SLC9B1: variants seen among roughly 807,000 people sequenced by gnomAD.
The protein encoded by SLC9B1 is solute carrier family 9 member B1.
Under a neutral mutation model 51.7 loss-of-function variants are expected in SLC9B1, and 32 were observed. That is an observed-to-expected ratio of 0.62 (90% CI 0.47 to 0.83). SLC9B1 has a LOEUF of 0.83. SLC9B1 is among the 40% of genes least tolerant of loss of function. The pLI is 0.00. For synonymous variants in SLC9B1, 145 were observed against 212.7 expected (o/e 0.68, Z 2.77); for missense variants, 406 against 613.2 (o/e 0.66, Z 3.57).
intron 1 of SLC9B1, among the ~76,000 whole-genome samples, chr4:103,016,155 G>GAAAAAAAAAAAAAA (rs1286956791): frequency 2.2e-3 from 161 of 74,134 alleles, no homozygotes; most frequent in Middle Eastern, 7.2e-3. Flanking sequence ...AAAAAAAAAG[G>GAAAAAAAAAAAAAA]AAAGTATATG....
chr4:102,927,344 T>C (rs1307014730), intron 7 of SLC9B1, among the ~76,000 whole-genome samples: 2 of 151,748 alleles, frequency 1.3e-5, no homozygotes, highest in Admixed American at 6.6e-5. Flanking sequence ...AATTGCGATC[T>C]ACCCATTTGA....
At chr4:102,933,269 C>G (rs1289500939) in intron 6 of SLC9B1, among the ~76,000 whole-genome samples, 1 of 152,192 alleles carries the variant, frequency 6.6e-6, no homozygotes, top group Non-Finnish European at 1.5e-5. Flanking sequence ...CTCCAGACAG[C>G]ATCTGCCAAT....
At chr4:102,948,084 C>T (rs538986608) in intron 4 of SLC9B1, among the ~76,000 whole-genome samples, 9 of 152,142 alleles carry the variant, frequency 5.9e-5, no homozygotes, top group African/African-American at 2.4e-5. Flanking sequence ...ATATGGTAGG[C>T]TGGCTGAGAG....
At chr4:102,886,956 GTTTTAT>G (rs925932028) in intron 11 of SLC9B1, among the ~76,000 whole-genome samples, 14 of 152,224 alleles carry the variant, frequency 9.2e-5, no homozygotes, top group African/African-American at 3.4e-4. Context: ...GTATGCATGA[GTTTTAT>G]AGCAAGAAAA....
At chr4:102,955,290 C>T (rs766451049) in intron 3 of SLC9B1, among the ~76,000 whole-genome samples, 98 of 152,150 alleles carry the variant, frequency 6.4e-4, no homozygotes, top group Non-Finnish European at 1.1e-3. Context: ...GTAAGAAGTG[C>T]CTTTCACCTC....
intron 1 of SLC9B1, among the ~76,000 whole-genome samples, chr4:103,008,723 C>T (rs1450299199): frequency 6.6e-6 from 1 of 151,318 alleles, no homozygotes; most frequent in Non-Finnish European, 1.5e-5. Flanking sequence ...CATTTCATCT[C>T]TCTGCTCGAT....
At chr4:102,898,186 CT>C (rs1399073486), downstream of SLC9B1, 1 of 519,458 alleles carries the variant, frequency 1.9e-6, no homozygotes, top group African/African-American at 1.9e-5. Flanking sequence ...GACCACCAAG[CT>C]AAAGAGGCTG....
At chr4:103,002,156 A>T (rs1478942835) in intron 1 of SLC9B1, among the ~76,000 whole-genome samples, 4 of 152,144 alleles carry the variant, frequency 2.6e-5, no homozygotes, top group Non-Finnish European at 5.9e-5. Flanking sequence ...ACACGTGGGG[A>T]TTCCAATTCA....
intron 11 of SLC9B1, among the ~76,000 whole-genome samples, chr4:102,886,975 T>A (rs568221497): frequency 1.6e-4 from 25 of 152,282 alleles, no homozygotes; most frequent in African/African-American, 4.8e-4. Context: ...CAAGAAAAAA[T>A]TATAATTTAT....
intron 4 of SLC9B1, among the ~76,000 whole-genome samples, chr4:102,948,335 C>CACACAT (rs1737373497): frequency 6.7e-6 from 1 of 149,138 alleles, no homozygotes; most frequent in Non-Finnish European, 1.5e-5. Flanking sequence ...TACACACACA[C>CACACAT]ACACACACAC....
intron 3 of SLC9B1, among the ~76,000 whole-genome samples, chr4:102,967,586 T>A (rs752310340): frequency 1.3e-5 from 2 of 152,110 alleles, no homozygotes; most frequent in Non-Finnish European, 2.9e-5. Context: ...AAGCGTGACC[T>A]CACCGTATAG....
intron 6 of SLC9B1, among the ~76,000 whole-genome samples, chr4:102,942,235 C>T (rs200175377): frequency 2.0e-5 from 3 of 152,076 alleles, no homozygotes; most frequent in Non-Finnish European, 2.9e-5. Context: ...ACACATCACA[C>T]GCTCATGGAT....
intron 6 of SLC9B1, among the ~76,000 whole-genome samples, chr4:102,941,742 T>A (rs1296504096): frequency 6.9e-6 from 1 of 143,980 alleles, no homozygotes; most frequent in African/African-American, 2.6e-5. Flanking sequence ...CCCCGAGAAC[T>A]GGAACAAGAC....
chr4:102,990,073 G>A, intron 2 of SLC9B1, 132 bp from the exon 3 acceptor site: 1 of 708,500 alleles, frequency 1.4e-6, no homozygotes, highest in East Asian at 3.1e-5. Context: ...TACAAAAGAA[G>A]ATTCATGCTC....
At chr4:102,920,398 C>T (rs1226633715) in intron 7 of SLC9B1, among the ~76,000 whole-genome samples, 1 of 152,176 alleles carries the variant, frequency 6.6e-6, no homozygotes, top group Admixed American at 6.5e-5. Context: ...AAAACCCCAT[C>T]TGTAGGTCAA....
At chr4:103,006,494 A>G (rs1740794504) in intron 1 of SLC9B1, among the ~76,000 whole-genome samples, 1 of 152,202 alleles carries the variant, frequency 6.6e-6, no homozygotes, top group Non-Finnish European at 1.5e-5. Context: ...AAATTGAATC[A>G]GTAATAAAAA....
chr4:102,912,740 G>A (rs1405426931), intron 7 of SLC9B1, among the ~76,000 whole-genome samples: 3 of 152,058 alleles, frequency 2.0e-5, no homozygotes, highest in Non-Finnish European at 2.9e-5. Context: ...AACTAGCCCG[G>A]TATGTGGTGT....
chr4:102,975,577 T>C (rs1287568091), intron 3 of SLC9B1, among the ~76,000 whole-genome samples: 1 of 103,112 alleles, frequency 9.7e-6, no homozygotes, highest in Non-Finnish European at 1.9e-5. Context: ...TATATATATA[T>C]ATATATATAT....
intron 1 of SLC9B1, among the ~76,000 whole-genome samples, chr4:103,012,889 A>C (rs1462915013): frequency 6.6e-6 from 1 of 152,146 alleles, no homozygotes; most frequent in Non-Finnish European, 1.5e-5. Flanking sequence ...TCTTGTAAGG[A>C]CTTTTATAAT....
Sources: gnomAD v4.1 joint callset for allele counts (sites outside exome capture counted in the v4.1 genomes callset) on GRCh38, gnomAD v4.1.1 for gene constraint, MANE v1.5 for transcripts, NCBI Gene and HGNC (gene_info 2026-07-23, HGNC 2026-07-21) for gene names.